Variants in HEPACAM2 observed in about 807,000 individuals in gnomAD.
HEPACAM2 encodes mitotic kinetics regulator.
HEPACAM2 carries 49 observed loss-of-function variants against 49.6 expected under a neutral mutation model. The observed-to-expected ratio is 0.99, with a 90% confidence interval of 0.78 to 1.25. HEPACAM2 has a LOEUF of 1.25. Ranked by LOEUF, HEPACAM2 falls within the 50% of genes most tolerant of loss-of-function variation. HEPACAM2 has a pLI of 0.00. For missense variants in HEPACAM2, 525 were observed against 557.2 expected (o/e 0.94, Z 0.58); for synonymous variants, 197 against 202.9 (o/e 0.97, Z 0.25).
chr7:93,215,892 T>C (rs1044976338), intron 2 of HEPACAM2, among the ~76,000 whole-genome samples: 16 of 152,188 alleles, frequency 1.1e-4, no homozygotes, highest in Non-Finnish European at 2.1e-4. Context: ...ATATCATTTA[T>C]AGTCAGAGAT....
At chr7:93,210,542 A>C (rs1277994824) in intron 3 of HEPACAM2, among the ~76,000 whole-genome samples, 1 of 151,896 alleles carries the variant, frequency 6.6e-6, no homozygotes, top group Non-Finnish European at 1.5e-5. Context: ...TTATATATTA[A>C]TATTAATTCT....
At chr7:93,225,006 GAGA>G (rs1478839342) in intron 1 of HEPACAM2, among the ~76,000 whole-genome samples, 3 of 152,144 alleles carry the variant, frequency 2.0e-5, no homozygotes, top group African/African-American at 4.8e-5. Context: ...TTGCAGAAGA[GAGA>G]AGGTCTTAAG....
At chr7:93,232,256 A>C in the HEPACAM2 span, 1 of 529,044 alleles carries the variant, frequency 1.9e-6, no homozygotes, top group Non-Finnish European at 3.4e-6. Context: ...TGGGAGATGT[A>C]GTCCCTGGGT....
At position 93,192,328 on chromosome 7, in the gene HEPACAM2, T is replaced by C. The variant is rs776291918; in HGVS notation, c.1311A>G (p.Val437=). The change falls in exon 9 of 10, where the codon GTA becomes GTG. Residue 437 remains valine (V), a synonymous_variant. Transcript: ENST00000394468. ...CTGTACTGTGCAAATCTTGCCCCGATACACAATCAGAGGCTGGAACAGACC... is the reference window on the plus strand; with the variant it reads ...CTGTACTGTGCAAATCTTGCCCCGACACACAATCAGAGGCTGGAACAGACC... ...PSRSVPASDC[V]SGQDLHSTVY... is the part of the protein sequence containing the mutation. The C allele has an allele frequency of 1.2e-6, 2 of 1,612,628 alleles. No homozygotes were observed. Among genetic ancestry groups the C allele is most frequent in the African/African-American group, 1.3e-5 (1 of 74,820 alleles).
upstream of HEPACAM2, among the ~76,000 whole-genome samples, chr7:93,229,989 A>G (rs907949378): frequency 6.6e-6 from 1 of 152,214 alleles, no homozygotes; most frequent in African/African-American, 2.4e-5. Flanking sequence ...AGCTTTCAAT[A>G]TTATAGTTAT....
intron 4 of HEPACAM2, among the ~76,000 whole-genome samples, chr7:93,197,818 A>C (rs1793773922): frequency 1.3e-5 from 2 of 152,104 alleles, no homozygotes; most frequent in South Asian, 4.1e-4. Flanking sequence ...CTGTGATTGG[A>C]AACGTGGTGC....
chr7:93,221,241 GATATAA>G (rs1794443109), intron 1 of HEPACAM2, among the ~76,000 whole-genome samples: 1 of 152,122 alleles, frequency 6.6e-6, no homozygotes, highest in South Asian at 2.1e-4. Context: ...ATGGAAATTA[GATATAA>G]ATAGAAGCAT....
chr7:93,200,893 C>T (rs1793864615), intron 4 of HEPACAM2, among the ~76,000 whole-genome samples: 1 of 152,086 alleles, frequency 6.6e-6, no homozygotes, highest in African/African-American at 2.4e-5. Context: ...GACACAAGGC[C>T]GGAACTAGCC....
At chr7:93,204,530 G>C in intron 4 of HEPACAM2, among the ~76,000 whole-genome samples, 1 of 152,056 alleles carries the variant, frequency 6.6e-6, no homozygotes, top group East Asian at 1.9e-4. Context: ...TATTTTAATA[G>C]CTATTCTTTT....
chr7:93,217,577 A>G (rs1433690795), intron 2 of HEPACAM2, among the ~76,000 whole-genome samples: 1 of 152,036 alleles, frequency 6.6e-6, no homozygotes, highest in Non-Finnish European at 1.5e-5. Context: ...TACCTTCTGC[A>G]TCTTTACTCC....
chr7:93,205,942 C>G (rs1490947820), intron 4 of HEPACAM2, among the ~76,000 whole-genome samples: 3 of 152,020 alleles, frequency 2.0e-5, no homozygotes, highest in African/African-American at 7.2e-5. Context: ...AATGCTTGGT[C>G]TTTGTACAGG....
chr7:93,208,113 A>G (rs1794076013), intron 4 of HEPACAM2, among the ~76,000 whole-genome samples: 1 of 152,018 alleles, frequency 6.6e-6, no homozygotes, highest in Non-Finnish European at 1.5e-5. Flanking sequence ...GAACTTCCAT[A>G]GATTTCAGCT....
chr7:93,218,710 C>T (rs1201038531), intron 2 of HEPACAM2, among the ~76,000 whole-genome samples: 1 of 152,092 alleles, frequency 6.6e-6, no homozygotes, highest in Non-Finnish European at 1.5e-5. Context: ...TCATCCTCTT[C>T]CAAACAGTGT....
intron 3 of HEPACAM2, among the ~76,000 whole-genome samples, chr7:93,214,806 T>A (rs947925270): frequency 1.3e-5 from 2 of 152,170 alleles, no homozygotes; most frequent in Non-Finnish European, 2.9e-5. Context: ...TAATATGAAC[T>A]GTATAGCAAA....
At chr7:93,209,299 CATG>C (rs1794115788) in intron 3 of HEPACAM2, among the ~76,000 whole-genome samples, 3 of 151,888 alleles carry the variant, frequency 2.0e-5, no homozygotes, top group South Asian at 4.1e-4. Context: ...TTAATTGAGA[CATG>C]ATAATCGTAC....
chr7:93,189,043 A>G lies in HEPACAM2; in HGVS notation c.*224T>C. 2.0e-6 allele frequency: 1 copy of G among 500,410 alleles called. No homozygotes were observed. 31.0% of individuals were successfully genotyped at this position (500,410 alleles called of 1,614,324 possible). ...TGAGAACGACTCTCCACTGAGGAATATTTCCCCAACATGTTTTTCTGTTGC... is the reference window on the plus strand; with the variant it reads ...TGAGAACGACTCTCCACTGAGGAATGTTTCCCCAACATGTTTTTCTGTTGC... On this transcript the variant is annotated 3_prime_UTR_variant, in exon 10 of 10. Coordinates refer to ENST00000394468, the MANE Select transcript of HEPACAM2 (RefSeq NM_001039372.4).
chr7:93,207,019 A>C (rs1440514242), intron 4 of HEPACAM2, among the ~76,000 whole-genome samples: 3 of 152,090 alleles, frequency 2.0e-5, no homozygotes, highest in African/African-American at 7.2e-5. Flanking sequence ...TACCTGAAAG[A>C]TCCTGATCCA....
intron 8 of HEPACAM2, 120 bp from the exon 9 acceptor site, chr7:93,192,483 C>T: frequency 2.7e-6 from 2 of 728,034 alleles, no homozygotes; most frequent in Non-Finnish European, 4.5e-6. Flanking sequence ...AACTATTTAT[C>T]TTCCCTAGAA....
At chr7:93,221,016 A>G (rs1794438739) in intron 1 of HEPACAM2, among the ~76,000 whole-genome samples, 1 of 152,202 alleles carries the variant, frequency 6.6e-6, no homozygotes. Flanking sequence ...ATAGACAATG[A>G]AAAGAAACTG....
Sources: allele counts gnomAD v4.1 joint callset (sites outside exome capture counted in the v4.1 genomes callset), GRCh38; gene constraint gnomAD v4.1.1; transcripts MANE v1.5; gene names NCBI Gene and HGNC (gene_info 2026-07-23, HGNC 2026-07-21).